The following ZNF804B variants were observed in gnomAD, a reference collection of about 807,000 sequenced individuals.
The protein encoded by ZNF804B is zinc finger protein 804B.
A neutral mutation model predicts 101.4 loss-of-function variants in ZNF804B; 80 were observed. The observed-to-expected ratio is 0.79, with a 90% CI of 0.66 to 0.95. The LOEUF is 0.95. ZNF804B is among the 40% of genes least tolerant of loss of function. ZNF804B has a pLI of 0.00. For synonymous variants in ZNF804B, 622 were observed against 558.8 expected (o/e 1.11, Z -1.59); for missense variants, 1,673 against 1,561.9 (o/e 1.07, Z -1.20).
At chr7:89,183,270 C>T (rs973515160) in intron 1 of ZNF804B, among the ~76,000 whole-genome samples, 3 of 151,854 alleles carry the variant, frequency 2.0e-5, no homozygotes, top group Non-Finnish European at 4.4e-5. Flanking sequence ...GAGGAACAGA[C>T]CAAAAAGTGT....
intron 1 of ZNF804B, among the ~76,000 whole-genome samples, chr7:88,833,411 C>T (rs918895531): frequency 4.0e-5 from 6 of 151,778 alleles, no homozygotes; most frequent in Non-Finnish European, 7.4e-5. Flanking sequence ...TGAGGGTTAA[C>T]AGGTTCTTTA....
chr7:89,182,522 T>C (rs1252441301), intron 1 of ZNF804B, among the ~76,000 whole-genome samples: 1 of 152,172 alleles, frequency 6.6e-6, no homozygotes, highest in Admixed American at 6.6e-5. Context: ...TCTAATTAAT[T>C]ATCAGAAGCA....
intron 1 of ZNF804B, among the ~76,000 whole-genome samples, chr7:88,877,765 CTAT>C (rs1182992275): frequency 6.6e-6 from 1 of 152,078 alleles, no homozygotes; most frequent in Non-Finnish European, 1.5e-5. Context: ...GCTGTTATTG[CTAT>C]TATTATTTTC....
intron 1 of ZNF804B, among the ~76,000 whole-genome samples, chr7:88,969,657 T>A (rs1408574769): frequency 1.3e-5 from 2 of 151,606 alleles, no homozygotes; most frequent in East Asian, 3.9e-4. Flanking sequence ...CTTTTGTAGC[T>A]GAAACAACCA....
intron 1 of ZNF804B, among the ~76,000 whole-genome samples, chr7:88,954,840 T>G (rs1458979581): frequency 6.6e-6 from 1 of 151,662 alleles, no homozygotes; most frequent in Non-Finnish European, 1.5e-5. Flanking sequence ...CTATTTGGTT[T>G]TACAATTTGA....
chr7:89,037,845 G>T (rs114300327), intron 1 of ZNF804B, among the ~76,000 whole-genome samples: 1 of 151,998 alleles, frequency 6.6e-6, no homozygotes, highest in Non-Finnish European at 1.5e-5. Flanking sequence ...CGTTCTAAGC[G>T]GCAAATGAAC....
intron 1 of ZNF804B, among the ~76,000 whole-genome samples, chr7:88,945,229 G>A (rs527700051): frequency 1.2e-3 from 179 of 151,810 alleles, no homozygotes; most frequent in African/African-American, 4.1e-3. Context: ...TAGGTATTAC[G>A]TTTAAGTCTT....
At chr7:89,311,472 C>A (rs1739662199) in intron 2 of ZNF804B, among the ~76,000 whole-genome samples, 1 of 152,000 alleles carries the variant, frequency 6.6e-6, no homozygotes, top group Admixed American at 6.6e-5. Flanking sequence ...GATGGAATGC[C>A]AAATTATTTC....
At chr7:89,078,959 CGTAGTAGTT>C (rs1414154494) in intron 1 of ZNF804B, among the ~76,000 whole-genome samples, 1 of 151,936 alleles carries the variant, frequency 6.6e-6, no homozygotes, top group Non-Finnish European at 1.5e-5. Flanking sequence ...GAAATTCTGA[CGTAGTAGTT>C]GTAGTTCTTG....
At chr7:88,944,122 G>A (rs1032196010) in intron 1 of ZNF804B, among the ~76,000 whole-genome samples, 1 of 151,712 alleles carries the variant, frequency 6.6e-6, no homozygotes, top group Admixed American at 6.6e-5. Context: ...AAATCCAGGA[G>A]ATATTTATGG....
intron 1 of ZNF804B, among the ~76,000 whole-genome samples, chr7:88,866,499 A>G (rs1562816840): frequency 6.6e-6 from 1 of 152,212 alleles, no homozygotes; most frequent in Non-Finnish European, 1.5e-5. Flanking sequence ...ACCATGTGGT[A>G]TTGTGAGAAT....
chr7:88,857,127 T>G (rs1439789405), intron 1 of ZNF804B, among the ~76,000 whole-genome samples: 1 of 151,338 alleles, frequency 6.6e-6, no homozygotes, highest in Non-Finnish European at 1.5e-5. Flanking sequence ...TGGAGGGAAA[T>G]TTATGGCACT....
intron 3 of ZNF804B, among the ~76,000 whole-genome samples, chr7:89,328,940 T>C (rs1480195880): frequency 6.6e-6 from 1 of 151,820 alleles, no homozygotes; most frequent in Non-Finnish European, 1.5e-5. Context: ...CTGATGGCAG[T>C]GGTCATGGTG....
intron 1 of ZNF804B, among the ~76,000 whole-genome samples, chr7:89,028,106 G>T (rs1788778823): frequency 6.6e-6 from 1 of 152,116 alleles, no homozygotes; most frequent in African/African-American, 2.4e-5. Flanking sequence ...AAACATTTGA[G>T]TGGTACATAA....
chr7:88,896,611 G>A (rs747104482), intron 1 of ZNF804B, among the ~76,000 whole-genome samples: 10 of 151,982 alleles, frequency 6.6e-5, no homozygotes, highest in African/African-American at 9.7e-5. Context: ...AGTAACAGTC[G>A]CCTAAAGAAT....
intron 1 of ZNF804B, among the ~76,000 whole-genome samples, chr7:88,973,811 G>A (rs1050082626): frequency 7.3e-5 from 11 of 151,384 alleles, no homozygotes; most frequent in African/African-American, 1.9e-4. Flanking sequence ...GGAATATAAT[G>A]TGTATAGCTG....
rs191907744 is a variant in ZNF804B, at chr7:89,283,237, T to C, written c.250-44107T>C. Among the ~76,000 whole-genome samples the C allele has an allele frequency of 5.3e-4, 81 of 152,218 alleles. No individual in the cohort carries two copies. The East Asian group carries it at 0.011, about 21-fold the overall frequency. On this transcript the variant is annotated intron_variant, in intron 2 of 3. Transcript: ENST00000333190. ...AAAATTAAAATATTCAAGAAGAATC[T>C]CTAAAACTGACACTACTGAAGGAAA...
chr7:88,855,615 C>G (rs538745603), intron 1 of ZNF804B, among the ~76,000 whole-genome samples: 22 of 152,290 alleles, frequency 1.4e-4, no homozygotes, highest in African/African-American at 5.1e-4. Flanking sequence ...TTAATTAGAT[C>G]GCATTTGTCA....
Position 89,335,252 on chromosome 7 carries a change from G to A in ZNF804B, c.2270G>A (p.Cys757Tyr), listed in dbSNP as rs201715882. 1.2e-5 allele frequency: 19 copies of A among 1,613,796 alleles called. No individual in the cohort carries two copies. In the Admixed American group the frequency reaches 1.8e-4, roughly 16 times the overall value. ...HHSVERHKRKCLKHNCFYLSD... is the reference protein window; with the variant it reads ...HHSVERHKRKYLKHNCFYLSD... ...TCAGTTGAAAGGCACAAACGGAAATGTCTAAAGCACAACTGCTTCTACTTG... is the reference window on the plus strand; with the variant it reads ...TCAGTTGAAAGGCACAAACGGAAATATCTAAAGCACAACTGCTTCTACTTG... Residue 757 changes from cysteine (C) to tyrosine (Y), a missense_variant, in exon 4 of 4, where the codon TGT (cysteine) becomes TAT (tyrosine). Transcript: ENST00000333190.
Sources: allele counts gnomAD v4.1 joint callset (sites outside exome capture counted in the v4.1 genomes callset), GRCh38; gene constraint gnomAD v4.1.1; transcripts MANE v1.5; gene names NCBI Gene and HGNC (gene_info 2026-07-23, HGNC 2026-07-21).